Variants in EPHB2 observed in about 807,000 individuals in gnomAD.
EPHB2 encodes ephrin type-B receptor 2.
A neutral mutation model predicts 96.4 loss-of-function variants in EPHB2; 18 were observed. The observed-to-expected ratio is 0.19, with a 90% CI of 0.13 to 0.28. The LOEUF is 0.28. EPHB2 is among the 10% of genes least tolerant of loss of function. The pLI is 1.00. For missense variants in EPHB2, 989 were observed against 1,355.4 expected (o/e 0.73, Z 4.25); for synonymous variants, 506 against 534.1 (o/e 0.95, Z 0.72).
At chr1:22,886,268 C>A (rs914374952) in intron 6 of EPHB2, among the ~76,000 whole-genome samples, 1 of 152,146 alleles carries the variant, frequency 6.6e-6, no homozygotes, top group East Asian at 1.9e-4. Context: ...GGCCCTAGGG[C>A]AGGGATGTGT....
In EPHB2 at chr1:22,747,362, G is replaced by A. The variant is rs189655351; in HGVS notation, c.62-34059G>A. Among the ~76,000 whole-genome samples, 333 of 152,300 alleles carry A rather than the reference G, an allele frequency of 2.2e-3. 1 individual carries two copies. Among genetic ancestry groups the A allele is most frequent in the Admixed American group, 6.5e-3 (100 of 15,306 alleles). ...TACGGAGTTATATTACTTAATCCTT[G>A]ACATTGCCCCCAGGTGGTGAAGTGG... On this transcript the variant is annotated intron_variant, in intron 1 of 15. Coordinates refer to ENST00000374630, the MANE Select transcript of EPHB2 (RefSeq NM_017449.5).
chr1:22,712,364 G>C (rs1408136703), intron 1 of EPHB2, among the ~76,000 whole-genome samples: 1 of 152,172 alleles, frequency 6.6e-6, no homozygotes, highest in African/African-American at 2.4e-5. Context: ...GCCCTTCCAG[G>C]GTTCTGCTCC....
At chr1:22,905,876 T>C in intron 9 of EPHB2, 111 bp from the exon 10 acceptor site, 3 of 1,568,512 alleles carry the variant, frequency 1.9e-6, no homozygotes, top group South Asian at 1.1e-5. Context: ...CCAGTTCTTA[T>C]GGGGGCCACA....
At chr1:22,886,886 A>G (rs1639243367) in intron 6 of EPHB2, among the ~76,000 whole-genome samples, 1 of 151,988 alleles carries the variant, frequency 6.6e-6, no homozygotes, top group African/African-American at 2.4e-5. Context: ...TCAGCCACCC[A>G]AAGTGCTGGG....
At chr1:22,735,675 A>G (rs1392389664) in intron 1 of EPHB2, among the ~76,000 whole-genome samples, 1 of 152,198 alleles carries the variant, frequency 6.6e-6, no homozygotes, top group Non-Finnish European at 1.5e-5. Context: ...TCTCAGCTCT[A>G]CATGATGGGA....
At chr1:22,752,068 C>T (rs1644072165) in intron 1 of EPHB2, among the ~76,000 whole-genome samples, 1 of 152,214 alleles carries the variant, frequency 6.6e-6, no homozygotes, top group Admixed American at 6.5e-5. Context: ...GCCTCAGTTT[C>T]TTCATCTGTC....
chr1:22,915,590 G>A lies in EPHB2; in HGVS notation c.*2020G>A, dbSNP rs1021077421. On this transcript the variant is annotated 3_prime_UTR_variant, in exon 16 of 16. Transcript: ENST00000374630. ...GCCCTGGGAATCAGGGTGAGCCCCT[G>A]CAGGTACATAAGTAGCAGAGAATTG... is the stretch of plus-strand genomic sequence containing the variant. The A allele has an allele frequency of 6.6e-5, 10 of 152,236 alleles. No homozygotes were observed. The highest frequency in any genetic ancestry group is 2.4e-4 in the African/African-American group (10 of 41,444). The allele number at this position is 152,236 out of a possible 1,614,324, so 9.4% of individuals were successfully genotyped here. A position where few individuals can be genotyped will look rare whatever the true frequency, so the allele number is the denominator to read the frequency against.
At chr1:22,732,684 A>G (rs1345277679) in intron 1 of EPHB2, among the ~76,000 whole-genome samples, 4 of 152,238 alleles carry the variant, frequency 2.6e-5, no homozygotes, top group Admixed American at 6.5e-5. Context: ...CTGATTTGCA[A>G]TTGGAGGCCC....
At chr1:22,820,337 G>T (rs1339863206) in intron 3 of EPHB2, among the ~76,000 whole-genome samples, 1 of 152,064 alleles carries the variant, frequency 6.6e-6, no homozygotes, top group African/African-American at 2.4e-5. Flanking sequence ...GAGATTAGCT[G>T]ATGAGAATAA....
intron 3 of EPHB2, among the ~76,000 whole-genome samples, chr1:22,794,635 C>A (rs551476986): frequency 1.3e-5 from 2 of 152,298 alleles, no homozygotes; most frequent in East Asian, 3.9e-4. Context: ...CCCTCAGTCA[C>A]CCTACAGGGT....
chr1:22,785,966 A>C (rs1644605089), intron 3 of EPHB2, among the ~76,000 whole-genome samples: 1 of 152,220 alleles, frequency 6.6e-6, no homozygotes, highest in African/African-American at 2.4e-5. Flanking sequence ...CACCCTCTTA[A>C]CCACCATGCC....
chr1:22,773,476 G>A (rs1644406101), intron 1 of EPHB2, among the ~76,000 whole-genome samples: 1 of 152,214 alleles, frequency 6.6e-6, no homozygotes, highest in Non-Finnish European at 1.5e-5. Context: ...CTCACACCAG[G>A]CTGATTTGCT....
intron 1 of EPHB2, chr1:22,775,081 T>C (rs984626911): frequency 4.2e-6 from 3 of 712,572 alleles, no homozygotes; most frequent in African/African-American, 1.7e-5. Context: ...CACAGGCCCA[T>C]GCAGAGAGAG....
Position 22,801,979 on chromosome 1 carries a change from T to C in EPHB2, c.811+16903T>C, listed in dbSNP as rs193188765. Among the ~76,000 whole-genome samples, 302 of 152,324 alleles carry C rather than the reference T, an allele frequency of 2.0e-3. 1 individual carries two copies. Among genetic ancestry groups the C allele is most frequent in the Non-Finnish European group, 3.6e-3 (244 of 68,018 alleles). ...CCCCTCCGAGCACGCTCAGCCAAGC[T>C]GCAAGCAGCGCGGGGCCTGCTTGTC... On this transcript the variant is annotated intron_variant, in intron 3 of 15. Transcript: ENST00000374630.
At chr1:22,782,454 G>A (rs1018765102) in intron 2 of EPHB2, among the ~76,000 whole-genome samples, 3 of 124,558 alleles carry the variant, frequency 2.4e-5, no homozygotes, top group Non-Finnish European at 4.8e-5. Context: ...CCAGGGAACT[G>A]CATTCCCCCC....
At chr1:22,850,172 G>A (rs993806306) in intron 3 of EPHB2, among the ~76,000 whole-genome samples, 2 of 152,154 alleles carry the variant, frequency 1.3e-5, no homozygotes, top group East Asian at 3.9e-4. Context: ...AGGTGACCCT[G>A]AAAAAGCACC....
intron 3 of EPHB2, among the ~76,000 whole-genome samples, chr1:22,800,702 ATGTG>A (rs59671872): frequency 6.0e-4 from 89 of 148,850 alleles, no homozygotes; most frequent in East Asian, 1.8e-3. Context: ...GTGTGAGTAT[ATGTG>A]TGTGTGTGTG....
chr1:22,780,564 C>T (rs529342223), intron 1 of EPHB2, among the ~76,000 whole-genome samples: 1 of 152,272 alleles, frequency 6.6e-6, no homozygotes, highest in East Asian at 1.9e-4. Context: ...AGAGGAGCAA[C>T]GAGGGGAAAC....
chr1:22,754,762 C>A (rs1570216764), intron 1 of EPHB2, among the ~76,000 whole-genome samples: 1 of 47,462 alleles, frequency 2.1e-5, no homozygotes, highest in Non-Finnish European at 4.2e-5. Context: ...CACTGGGCAT[C>A]TTTGTGGCCC....
Sources: gnomAD v4.1 joint callset for allele counts (sites outside exome capture counted in the v4.1 genomes callset) on GRCh38, gnomAD v4.1.1 for gene constraint, MANE v1.5 for transcripts, NCBI Gene and HGNC (gene_info 2026-07-23, HGNC 2026-07-21) for gene names.